The following STPG2 variants were observed in gnomAD, a reference collection of about 807,000 sequenced individuals.
The protein encoded by STPG2 is sperm-tail PG-rich repeat-containing protein 2.
In STPG2, 56 loss-of-function variants were observed where a neutral mutation model predicts 54.2. The observed-to-expected ratio is 1.03, with a 90% CI of 0.83 to 1.29. STPG2 has a LOEUF of 1.29. Among genes scored for constraint, STPG2 ranks in the 50% most tolerant of loss-of-function variants. The pLI is 0.00. For synonymous variants in STPG2, 200 were observed against 181.8 expected (o/e 1.10, Z -0.81); for missense variants, 596 against 544.9 (o/e 1.09, Z -0.93).
intron 8 of STPG2, among the ~76,000 whole-genome samples, chr4:97,895,266 T>C (rs984896401): frequency 6.6e-6 from 1 of 151,664 alleles, no homozygotes; most frequent in Non-Finnish European, 1.5e-5. Context: ...ACCTAAAACA[T>C]GACAAAGGAA....
At position 97,672,218 on chromosome 4, in the gene STPG2, G is replaced by A. The variant is rs527579914; in HGVS notation, c.1320+40481C>T. 2.4e-4 allele frequency among the ~76,000 whole-genome samples: 28 copies of A among 118,674 alleles called. No individual in the cohort carries two copies. In the East Asian group the frequency reaches 2.8e-3, roughly 12 times the overall value. 77.9% of individuals were successfully genotyped at this position (118,674 alleles called of 152,430 possible). On this transcript the variant is annotated intron_variant, in intron 10 of 10. Coordinates refer to ENST00000295268, the MANE Select transcript of STPG2 (RefSeq NM_174952.3). ...GATGGAGTTTCACTCTTGTTGCCCC[G>A]GCTGGAGTGCAATGGCACCATCTTG...
intron 8 of STPG2, among the ~76,000 whole-genome samples, chr4:97,887,221 G>A (rs1477241106): frequency 6.6e-6 from 1 of 152,194 alleles, no homozygotes; most frequent in Non-Finnish European, 1.5e-5. Context: ...ACTGGGTAAT[G>A]AGCAGAGGTT....
intron 8 of STPG2, among the ~76,000 whole-genome samples, chr4:97,868,795 C>T (rs1729881418): frequency 6.6e-6 from 1 of 151,860 alleles, no homozygotes; most frequent in Admixed American, 6.6e-5. Flanking sequence ...AACACAGTGT[C>T]AAACCATGTG....
chr4:97,732,958 GA>G (rs1363775426), intron 9 of STPG2, among the ~76,000 whole-genome samples: 2 of 152,068 alleles, frequency 1.3e-5, no homozygotes, highest in South Asian at 4.2e-4. Flanking sequence ...TGGAAGTGAG[GA>G]AAAGGGAATG....
chr4:97,970,104 A>T (rs1418467580), intron 7 of STPG2, among the ~76,000 whole-genome samples: 1 of 152,196 alleles, frequency 6.6e-6, no homozygotes, highest in African/African-American at 2.4e-5. Flanking sequence ...ACTTACAGGG[A>T]TGTGAAGAAC....
At chr4:98,109,352 A>G (rs1739280840) in intron 3 of STPG2, 47 bp from the exon 4 acceptor site, 3 of 1,388,902 alleles carry the variant, frequency 2.2e-6, no homozygotes, top group African/African-American at 1.4e-5. Flanking sequence ...CATAGTTTAA[A>G]TAAGTCATGA....
intron 5 of STPG2, among the ~76,000 whole-genome samples, chr4:98,020,041 CT>C (rs1192239782): frequency 1.2e-4 from 14 of 119,950 alleles, no homozygotes; most frequent in African/African-American, 4.7e-4. Flanking sequence ...CTGGCCAGAA[CT>C]TCCAACAGTA....
At chr4:97,573,445 C>A (rs1732648403) in intron 10 of STPG2, among the ~76,000 whole-genome samples, 2 of 151,764 alleles carry the variant, frequency 1.3e-5, no homozygotes, top group African/African-American at 4.8e-5. Context: ...TGTGTGAAAT[C>A]TGAAGAGAAA....
intron 5 of STPG2, among the ~76,000 whole-genome samples, chr4:98,068,204 T>TAG (rs911698810): frequency 2.5e-4 from 38 of 152,194 alleles, no homozygotes; most frequent in African/African-American, 8.9e-4. Flanking sequence ...CCTCTTCCTC[T>TAG]ATTTCAAGTT....
chr4:97,879,328 GTA>G (rs1730290941), intron 8 of STPG2, among the ~76,000 whole-genome samples: 1 of 152,114 alleles, frequency 6.6e-6, no homozygotes, highest in African/African-American at 2.4e-5. Context: ...ACAATTTACT[GTA>G]TTAGTCCATT....
chr4:97,572,660 G>A (rs1489668231), intron 10 of STPG2: 1 of 152,090 alleles, frequency 6.6e-6, no homozygotes, highest in Non-Finnish European at 1.5e-5. Flanking sequence ...GTAAGTTCAA[G>A]GATGTCGGAA....
chr4:98,010,119 C>T (rs61114099), intron 5 of STPG2, among the ~76,000 whole-genome samples: 59,520 of 151,370 alleles, frequency 0.39, 11,862 homozygotes, highest in Middle Eastern at 0.46. Context: ...GCCCTCTGAT[C>T]TCCATAATTT....
At chr4:97,611,666 A>G (rs1355899207) in intron 10 of STPG2, among the ~76,000 whole-genome samples, 1 of 151,968 alleles carries the variant, frequency 6.6e-6, no homozygotes, top group African/African-American at 2.4e-5. Flanking sequence ...TTAAAAATAT[A>G]GAATAAATAG....
At chr4:97,929,396 AT>A (rs1423340776) in intron 8 of STPG2, among the ~76,000 whole-genome samples, 1 of 152,154 alleles carries the variant, frequency 6.6e-6, no homozygotes, top group African/African-American at 2.4e-5. Context: ...ATACCCAGTA[AT>A]AAGATTGCTG....
chr4:97,963,118 C>T (rs556733936), intron 7 of STPG2, among the ~76,000 whole-genome samples: 37 of 152,150 alleles, frequency 2.4e-4, no homozygotes, highest in African/African-American at 8.4e-4. Context: ...GACATCGCAC[C>T]ATTGTACTCC....
intron 8 of STPG2, among the ~76,000 whole-genome samples, chr4:97,908,236 T>A (rs1190022776): frequency 6.6e-6 from 1 of 152,120 alleles, no homozygotes; most frequent in South Asian, 2.1e-4. Flanking sequence ...AAAGAAGACA[T>A]TTATGCAGCC....
At chr4:97,609,845 G>A (rs144845876) in intron 10 of STPG2, among the ~76,000 whole-genome samples, 12 of 151,798 alleles carry the variant, frequency 7.9e-5, no homozygotes, top group African/African-American at 2.2e-4. Context: ...AAATTCAAAC[G>A]TCTGTCCCTA....
In STPG2 at chr4:98,128,567, G is replaced by GT. The variant is rs1739896866; in HGVS notation, c.247dup (p.Thr83AsnfsTer5). On this transcript the variant is annotated frameshift_variant, in exon 3 of 11. Transcript: ENST00000295268. LOFTEE classifies it high-confidence loss of function. Reference sequence around the variant, plus strand: ...AATTGAAGGAACATCAACACTTCTGGTAAGTGTAGGTGATCTTGAAATTTT... The same window carrying GT: ...AATTGAAGGAACATCAACACTTCTGGTTAAGTGTAGGTGATCTTGAAATTTT... 6.2e-7 allele frequency: 1 copy of GT among 1,607,588 alleles called. No individual in the cohort carries two copies. The highest frequency in any genetic ancestry group is 1.7e-5 in the Admixed American group (1 of 58,508).
chr4:98,081,636 C>T (rs1214247598), intron 5 of STPG2, among the ~76,000 whole-genome samples: 1 of 152,200 alleles, frequency 6.6e-6, no homozygotes, highest in Admixed American at 6.5e-5. Flanking sequence ...CTAAACACTT[C>T]ATTTTGCTTA....
Sources: allele counts gnomAD v4.1 joint callset (sites outside exome capture counted in the v4.1 genomes callset), GRCh38; gene constraint gnomAD v4.1.1; transcripts MANE v1.5; gene names NCBI Gene and HGNC (gene_info 2026-07-23, HGNC 2026-07-21).